Variants in TNIK observed in about 807,000 individuals in gnomAD.
TNIK encodes the protein TRAF2 and NCK-interacting protein kinase.
A neutral mutation model predicts 191.3 loss-of-function variants in TNIK; 49 were observed. The ratio of observed to expected loss-of-function variants is 0.26; its 90% CI spans 0.20 to 0.32. The LOEUF is 0.32. Among genes scored for constraint, TNIK ranks in the 10% least tolerant of loss-of-function variants. TNIK has a pLI of 1.00. For synonymous variants in TNIK, 594 were observed against 600.9 expected (o/e 0.99, Z 0.17); for missense variants, 1,155 against 1,702.3 (o/e 0.68, Z 5.66).
intron 1 of TNIK, among the ~76,000 whole-genome samples, chr3:171,412,150 C>T (rs371506361): frequency 2.0e-5 from 3 of 152,076 alleles, no homozygotes; most frequent in Non-Finnish European, 2.9e-5. Flanking sequence ...AGAGGCAGTT[C>T]GTCCCTGTTC....
rs551542938 is a variant in TNIK at position 171,266,347 on chromosome 3, A to T, written c.124-38126T>A. 7.4e-4 allele frequency among the ~76,000 whole-genome samples: 113 copies of T among 152,294 alleles called. 1 individual carries two copies. In the South Asian group the frequency reaches 0.021, roughly 28 times the overall value. On this transcript the variant is annotated intron_variant, in intron 2 of 32. Transcript: ENST00000436636. ...AAAGGATTCCAATATTATTTTAAATAAAAAAAGCCTACATTAGGGTCTAAT... is the reference window on the plus strand; with the variant it reads ...AAAGGATTCCAATATTATTTTAAATTAAAAAAGCCTACATTAGGGTCTAAT...
intron 1 of TNIK, among the ~76,000 whole-genome samples, chr3:171,428,848 C>T (rs1261818469): frequency 6.6e-6 from 1 of 152,030 alleles, no homozygotes; most frequent in African/African-American, 2.4e-5. Context: ...CTTTCATTGT[C>T]TCCTCCTTTT....
intron 22 of TNIK, among the ~76,000 whole-genome samples, chr3:171,095,370 T>C (rs371715132): frequency 1.6e-4 from 25 of 152,346 alleles, no homozygotes; most frequent in East Asian, 1.3e-3. Flanking sequence ...TTGAGGTTGG[T>C]ACAACATGGC....
intron 2 of TNIK, among the ~76,000 whole-genome samples, chr3:171,330,294 G>T (rs1756267727): frequency 6.6e-6 from 1 of 152,148 alleles, no homozygotes; most frequent in African/African-American, 2.4e-5. Context: ...GGCTGCTTTG[G>T]AATACCTTTG....
intron 9 of TNIK, 32 bp downstream of exon 9, chr3:171,175,220 T>C: frequency 6.3e-7 from 1 of 1,598,634 alleles, no homozygotes; most frequent in South Asian, 1.1e-5. Context: ...ACCTCACCCT[T>C]AGATCTGCGA....
chr3:171,079,993 C>T (rs1221040872), intron 27 of TNIK, among the ~76,000 whole-genome samples: 1 of 152,142 alleles, frequency 6.6e-6, no homozygotes, highest in Admixed American at 6.5e-5. Flanking sequence ...GATCAGAGTT[C>T]CAGAACATTC....
At chr3:171,308,876 T>TTAG (rs1753733407) in intron 2 of TNIK, among the ~76,000 whole-genome samples, 1 of 40,838 alleles carries the variant, frequency 2.4e-5, no homozygotes, top group Admixed American at 2.1e-4. Context: ...GTTAGAATGG[T>TTAG]TATTAAAAAG....
chr3:171,290,161 C>A (rs1242093166), intron 2 of TNIK, among the ~76,000 whole-genome samples: 1 of 152,218 alleles, frequency 6.6e-6, no homozygotes, highest in African/African-American at 2.4e-5. Context: ...ACTACTCTAA[C>A]CATCAACAGT....
At chr3:171,070,043 G>A (rs1289723396) in intron 29 of TNIK, among the ~76,000 whole-genome samples, 2 of 152,158 alleles carry the variant, frequency 1.3e-5, no homozygotes. Context: ...ATAAAATAAT[G>A]GCAATAACTT....
rs199923897 is a variant in TNIK, at chr3:171,458,016, G to A, written c.57+1991C>T. ...ACCTTCCCGAGGAAAAAGCCCATAA[G>A]GGACAAGTCCCGGCCCAACTTAAAA... On this transcript the variant is annotated intron_variant, in intron 1 of 32. Transcript: ENST00000436636. Among the ~76,000 whole-genome samples the A allele has an allele frequency of 4.3e-4, 65 of 152,256 alleles. No individual in the cohort carries two copies. In the East Asian group the frequency reaches 8.7e-3, roughly 20 times the overall value.
At chr3:171,353,425 C>T (rs548542114) in intron 2 of TNIK, among the ~76,000 whole-genome samples, 24 of 152,206 alleles carry the variant, frequency 1.6e-4, no homozygotes, top group East Asian at 3.9e-4. Context: ...TATGATGTTG[C>T]GGAAGCCTGC....
intron 1 of TNIK, among the ~76,000 whole-genome samples, chr3:171,450,531 A>C (rs976353032): frequency 1.3e-5 from 2 of 152,200 alleles, no homozygotes; most frequent in Admixed American, 1.3e-4. Flanking sequence ...CTCTGACCCC[A>C]AATTTCTACC....
chr3:171,417,163 T>C (rs1463439563), intron 1 of TNIK, among the ~76,000 whole-genome samples: 1 of 152,222 alleles, frequency 6.6e-6, no homozygotes, highest in African/African-American at 2.4e-5. Context: ...TTTCATGAAA[T>C]GTTTAACAAT....
intron 2 of TNIK, among the ~76,000 whole-genome samples, chr3:171,301,709 C>A (rs1306906494): frequency 6.6e-6 from 1 of 152,126 alleles, no homozygotes; most frequent in African/African-American, 2.4e-5. Context: ...AGAGACAGAA[C>A]AACTAAAGGC....
chr3:171,077,108 A>ATC (rs1311996657), intron 28 of TNIK, among the ~76,000 whole-genome samples: 1 of 91,568 alleles, frequency 1.1e-5, no homozygotes, highest in East Asian at 3.9e-4. Context: ...TTTTCTATGT[A>ATC]TCTCTCTCTA....
rs145385217 is a variant in TNIK at position 171,378,218 on chromosome 3, T to C, written c.58-8533A>G. ...CTACTTTGCCATTAGCTAGGATGAA[T>C]GCTAATTACTTTAAGCTAACCAATT... On this transcript the variant is annotated intron_variant, in intron 1 of 32. Coordinates refer to ENST00000436636, the MANE Select transcript of TNIK (RefSeq NM_015028.4). 2.7e-4 allele frequency among the ~76,000 whole-genome samples: 41 copies of C among 152,328 alleles called. No homozygotes were observed. In the East Asian group the frequency reaches 7.3e-3, roughly 27 times the overall value.
chr3:171,408,567 T>C (rs954148282), intron 1 of TNIK, among the ~76,000 whole-genome samples: 4 of 152,192 alleles, frequency 2.6e-5, no homozygotes. Flanking sequence ...GCATCTGGCA[T>C]CATTGACTGC....
chr3:171,415,790 G>T (rs532796499), intron 1 of TNIK, among the ~76,000 whole-genome samples: 206 of 151,748 alleles, frequency 1.4e-3, no homozygotes, highest in African/African-American at 4.6e-3. Context: ...AAATCAGCCT[G>T]GCCAACATGG....
chr3:171,165,536 C>T (rs577672276), intron 10 of TNIK, among the ~76,000 whole-genome samples: 2 of 152,228 alleles, frequency 1.3e-5, no homozygotes, highest in Admixed American at 6.5e-5. Flanking sequence ...TACTGCTCAC[C>T]GCCCCCACCG....
Sources: gnomAD v4.1 joint callset for allele counts (sites outside exome capture counted in the v4.1 genomes callset) on GRCh38, gnomAD v4.1.1 for gene constraint, MANE v1.5 for transcripts, NCBI Gene and HGNC (gene_info 2026-07-23, HGNC 2026-07-21) for gene names.